Variants in TM6SF1 observed in about 807,000 individuals in gnomAD.
The protein encoded by TM6SF1 is transmembrane 6 superfamily member 1.
TM6SF1 carries 43 observed loss-of-function variants against 47.1 expected under a neutral mutation model. The observed-to-expected ratio is 0.91, with a 90% CI of 0.72 to 1.18. The LOEUF is 1.18. Among genes scored for constraint, TM6SF1 ranks in the 50% most tolerant of loss-of-function variants. The probability of loss-of-function intolerance (pLI) is 0.00; values close to 1 mark genes in which losing one functional copy is unlikely to be tolerated. For missense variants in TM6SF1, 390 were observed against 449.0 expected (o/e 0.87, Z 1.19); for synonymous variants, 177 against 166.3 (o/e 1.06, Z -0.49).
At position 83,112,867 on chromosome 15, in the gene TM6SF1, A is replaced by C; in HGVS notation, c.163A>C (p.Lys55Gln). Residue 55 changes from lysine to glutamine, a missense_variant, in exon 2 of 10, where the codon AAA becomes CAA. Physicochemically the swap from Lys to Gln is moderately conservative, Grantham distance 53 (BLOSUM62 1). Coordinates refer to ENST00000322019, the MANE Select transcript of TM6SF1 (RefSeq NM_023003.5). ...LVALLARVLVKRKPPRDPLFY... is the reference protein window; with the variant it reads ...LVALLARVLVQRKPPRDPLFY... ...AGCACTGCTGGCTCGTGTCCTCGTC[A>C]AAAGAAAACCACCCCGGGACCCACT... 1 of 1,614,110 alleles carries C rather than the reference A, an allele frequency of 6.2e-7. No homozygotes were observed. The highest frequency in any genetic ancestry group is 8.5e-7 in the Non-Finnish European group (1 of 1,180,000).
Position 83,136,575 on chromosome 15 carries a change from A to G in TM6SF1, c.1016A>G (p.Asn339Ser). The G allele has an allele frequency of 6.2e-7, 1 of 1,613,882 alleles. No individual in the cohort carries two copies. Among genetic ancestry groups the G allele is most frequent in the Non-Finnish European group, 8.5e-7 (1 of 1,179,864 alleles). ...GCAAAAATCCTTTTTTTAGCATTAAACATAGCATATGGAGTTCTTCCTCAG... is the reference window on the plus strand; with the variant it reads ...GCAAAAATCCTTTTTTTAGCATTAAGCATAGCATATGGAGTTCTTCCTCAG... ...EEAKILFLAL[N>S]IAYGVLPQLL... Residue 339 changes from asparagine to serine, a missense_variant, in exon 10 of 10, where the codon AAC becomes AGC. Coordinates refer to ENST00000322019, the MANE Select transcript of TM6SF1 (RefSeq NM_023003.5).
At chr15:83,128,112 T>C (rs2151377800) in intron 9 of TM6SF1, 1 of 152,336 alleles carries the variant, frequency 6.6e-6, no homozygotes, top group South Asian at 2.1e-4. Flanking sequence ...GAAAATTAAT[T>C]TTTCTTACTA....
At position 83,122,744 on chromosome 15, in the gene TM6SF1, C is replaced by G. The variant is rs1196960415; in HGVS notation, c.482-13C>G. On this transcript the variant is annotated splice_polypyrimidine_tract_variant and intron_variant, in intron 5 of 9. Transcript: ENST00000322019. ...CTTTTGGTAACTTCTTTCTCTTTCT[C>G]TCTTTTAAATAGGGAAGTATGGAAC... 4 of 1,610,296 alleles carry G rather than the reference C, an allele frequency of 2.5e-6. No individual in the cohort carries two copies. The African/African-American group carries it at 4.0e-5, about 16-fold the overall frequency.
At chr15:83,120,807 C>T (rs1471850985) in intron 4 of TM6SF1, among the ~76,000 whole-genome samples, 1 of 152,004 alleles carries the variant, frequency 6.6e-6, no homozygotes, top group South Asian at 2.1e-4. Context: ...CTCTGGTGAT[C>T]TGCCCGCCTC....
chr15:83,115,773 T>A (rs1215901088), intron 2 of TM6SF1, 72 bp from the exon 3 acceptor site: 1 of 979,266 alleles, frequency 1.0e-6, no homozygotes, highest in Non-Finnish European at 1.6e-6. Context: ...CCATTATTAT[T>A]AGCTGATGCC....
At chr15:83,125,466 T>C (rs2035660504) in intron 7 of TM6SF1, among the ~76,000 whole-genome samples, 1 of 152,230 alleles carries the variant, frequency 6.6e-6, no homozygotes, top group Non-Finnish European at 1.5e-5. Context: ...TGTTTTCCTC[T>C]CTGTAAAATA....
intron 9 of TM6SF1, chr15:83,132,278 T>C (rs998526176): frequency 6.6e-6 from 1 of 152,224 alleles, no homozygotes; most frequent in Non-Finnish European, 1.5e-5. Flanking sequence ...GTTCCGAAGA[T>C]TAACCTGAAG....
rs768361112 is a variant in TM6SF1 at position 83,127,341 on chromosome 15, TTC to T, written c.802-13_802-12del. 6.4e-7 allele frequency: 1 copy of T among 1,570,556 alleles called. No individual in the cohort carries two copies. ...ACTGCCAATTTGCTGATGATGTTAT[TTC>T]TCTGTTCAATACAGATGCTGGCATA... On this transcript the variant is annotated splice_polypyrimidine_tract_variant and intron_variant, in intron 8 of 9. Coordinates refer to ENST00000322019, the MANE Select transcript of TM6SF1 (RefSeq NM_023003.5).
intron 3 of TM6SF1, 101 bp downstream of exon 3, chr15:83,116,043 C>T (rs915926580): frequency 2.1e-5 from 19 of 904,314 alleles, no homozygotes; most frequent in South Asian, 4.4e-5. Flanking sequence ...TGAACAGGTA[C>T]GCTACGCAGG....
chr15:83,112,495 C>T (rs951193256), intron 1 of TM6SF1, among the ~76,000 whole-genome samples: 1 of 152,094 alleles, frequency 6.6e-6, no homozygotes, highest in Non-Finnish European at 1.5e-5. Flanking sequence ...GCCATAGGTG[C>T]AGCAGGGTGG....
chr15:83,131,287 A>C (rs2036225962), intron 9 of TM6SF1: 1 of 152,150 alleles, frequency 6.6e-6, no homozygotes, highest in African/African-American at 2.4e-5. Flanking sequence ...AGTAAGGGAA[A>C]AAAAAACCAC....
At chr15:83,127,699 G>T (rs2035890810) in intron 9 of TM6SF1, 2 of 430,242 alleles carry the variant, frequency 4.6e-6, no homozygotes, top group East Asian at 1.0e-4. Flanking sequence ...AGATGAGGAA[G>T]TTATCTGTGG....
chr15:83,118,666 G>A (rs1007825152), intron 3 of TM6SF1, among the ~76,000 whole-genome samples: 2 of 152,154 alleles, frequency 1.3e-5, no homozygotes, highest in African/African-American at 4.8e-5. Context: ...TTGATGGGCT[G>A]GTTGATCTGC....
chr15:83,108,070 A>G (rs1276178249), intron 1 of TM6SF1, among the ~76,000 whole-genome samples: 1 of 151,996 alleles, frequency 6.6e-6, no homozygotes, highest in African/African-American at 2.4e-5. Flanking sequence ...CCTGCCCTGG[A>G]GGGGCCCAGG....
chr15:83,118,164 T>G (rs1193788995), intron 3 of TM6SF1, among the ~76,000 whole-genome samples: 1 of 151,918 alleles, frequency 6.6e-6, no homozygotes, highest in Non-Finnish European at 1.5e-5. Context: ...GAGTTGAGAC[T>G]GCAGTGAGCA....
At position 83,136,779 on chromosome 15, in the gene TM6SF1, T is replaced by G. The variant is rs759324084; in HGVS notation, c.*107T>G. 8 of 953,472 alleles carry G rather than the reference T, an allele frequency of 8.4e-6. No homozygotes were observed. Among genetic ancestry groups the G allele is most frequent in the South Asian group, 1.8e-5 (1 of 57,130 alleles). The allele number at this position is 953,472 out of a possible 1,614,324, so 59.1% of individuals were successfully genotyped here. ...TCTCATACGTGAGTACTTAAGAATA[T>G]GTACATTCTTGCTCTGCACTGTATG... On this transcript the variant is annotated 3_prime_UTR_variant, in exon 10 of 10. Transcript: ENST00000322019.
intron 1 of TM6SF1, among the ~76,000 whole-genome samples, chr15:83,110,801 A>C (rs910080884): frequency 2.6e-5 from 4 of 152,016 alleles, no homozygotes; most frequent in Non-Finnish European, 5.9e-5. Flanking sequence ...ATCACCAGAA[A>C]CCTCCTATTT....
intron 4 of TM6SF1, among the ~76,000 whole-genome samples, chr15:83,121,015 C>T (rs2035187492): frequency 6.6e-6 from 1 of 152,042 alleles, no homozygotes; most frequent in Non-Finnish European, 1.5e-5. Context: ...TTTTGAATTT[C>T]TCATAGCCTG....
intron 7 of TM6SF1, among the ~76,000 whole-genome samples, chr15:83,126,294 C>A (rs1353612524): frequency 6.6e-6 from 1 of 152,158 alleles, no homozygotes; most frequent in Non-Finnish European, 1.5e-5. Flanking sequence ...GCTTTCAAAT[C>A]ATCTTTTACT....
Sources: allele counts gnomAD v4.1 joint callset (sites outside exome capture counted in the v4.1 genomes callset), GRCh38; gene constraint gnomAD v4.1.1; transcripts MANE v1.5; gene names NCBI Gene and HGNC (gene_info 2026-07-23, HGNC 2026-07-21).